The following DCC variants were observed in gnomAD, a reference collection of about 807,000 sequenced individuals.
DCC encodes the protein netrin receptor DCC.
DCC carries 58 observed loss-of-function variants against 172.5 expected under a neutral mutation model. The observed-to-expected ratio is 0.34, with a 90% CI of 0.27 to 0.42. The LOEUF (loss-of-function observed/expected upper bound fraction) is 0.42. Among genes scored for constraint, DCC ranks in the 10% least tolerant of loss-of-function variants. DCC has a pLI of 1.00. For synonymous variants in DCC, 709 were observed against 644.5 expected, an observed-to-expected ratio of 1.10 and a Z score of -1.52; for missense variants, 1,740 against 1,791.0, an observed-to-expected ratio of 0.97 and a Z score of 0.51.
In DCC at chr18:52,676,760, G is replaced by A. The variant is rs370198447; in HGVS notation, c.92-75294G>A. Among the ~76,000 whole-genome samples the A allele has an allele frequency of 5.4e-4, 82 of 152,214 alleles. 1 individual carries two copies. The highest frequency in any genetic ancestry group is 1.9e-3 in the African/African-American group (80 of 41,526). ...GATTTTTGTTTCCTTCTTCTCTTGG[G>A]TTTGCTTTCTTTTAGGAGCCAGTGG... On this transcript the variant is annotated intron_variant, in intron 1 of 28. Coordinates refer to ENST00000442544, the MANE Select transcript of DCC (RefSeq NM_005215.4).
At chr18:52,614,249 G>T (rs1053326545) in intron 1 of DCC, among the ~76,000 whole-genome samples, 1 of 152,184 alleles carries the variant, frequency 6.6e-6, no homozygotes, top group East Asian at 1.9e-4. Context: ...GTACTAAACT[G>T]TAAGTTACTG....
intron 2 of DCC, among the ~76,000 whole-genome samples, chr18:52,860,080 C>A (rs1568151135): frequency 6.6e-6 from 1 of 152,212 alleles, no homozygotes. Flanking sequence ...TAGGATGCAG[C>A]AAATCCATCT....
intron 12 of DCC, among the ~76,000 whole-genome samples, chr18:53,289,779 A>C (rs1212240019): frequency 6.6e-6 from 1 of 152,152 alleles, no homozygotes; most frequent in Non-Finnish European, 1.5e-5. Context: ...TTCAGATGTA[A>C]CATCTCTTCT....
intron 1 of DCC, among the ~76,000 whole-genome samples, chr18:52,656,711 T>C (rs940792771): frequency 2.6e-5 from 4 of 152,010 alleles, no homozygotes; most frequent in African/African-American, 7.2e-5. Context: ...TGTAGAGCAC[T>C]CCAGGGCCTT....
intron 7 of DCC, among the ~76,000 whole-genome samples, chr18:53,121,477 C>G (rs896968627): frequency 1.3e-5 from 2 of 151,858 alleles, no homozygotes; most frequent in Non-Finnish European, 2.9e-5. Flanking sequence ...CAGACAACCT[C>G]TATCTCAGAT....
chr18:53,500,375 T>C (rs965619615), intron 27 of DCC, among the ~76,000 whole-genome samples: 1 of 152,134 alleles, frequency 6.6e-6, no homozygotes, highest in African/African-American at 2.4e-5. Flanking sequence ...AGGCATAAGA[T>C]AGTAAATTTC....
chr18:52,572,287 G>C (rs1024166925), intron 1 of DCC, among the ~76,000 whole-genome samples: 1 of 152,182 alleles, frequency 6.6e-6, no homozygotes, highest in African/African-American at 2.4e-5. Context: ...GACACTGTGG[G>C]CTACAGAATC....
At chr18:52,438,351 C>G (rs987797772) in intron 1 of DCC, among the ~76,000 whole-genome samples, 1 of 152,142 alleles carries the variant, frequency 6.6e-6, no homozygotes, top group Non-Finnish European at 1.5e-5. Flanking sequence ...CACTATTTCT[C>G]TATGTGGTGT....
chr18:52,385,127 A>T (rs893719061), intron 1 of DCC, among the ~76,000 whole-genome samples: 1 of 152,126 alleles, frequency 6.6e-6, no homozygotes, highest in South Asian at 2.1e-4. Flanking sequence ...GTTCACAACC[A>T]TTGCTTAAAA....
intron 2 of DCC, among the ~76,000 whole-genome samples, chr18:52,824,052 G>A (rs1049911336): frequency 1.3e-5 from 2 of 152,166 alleles, no homozygotes; most frequent in African/African-American, 2.4e-5. Context: ...TTCTCAGAAA[G>A]GGTGAATTGC....
At chr18:52,382,905 T>C (rs1985645967) in intron 1 of DCC, among the ~76,000 whole-genome samples, 2 of 152,152 alleles carry the variant, frequency 1.3e-5, no homozygotes, top group Admixed American at 1.3e-4. Flanking sequence ...TTCACTCTTA[T>C]ATTGTATGTC....
At chr18:53,402,135 A>G (rs1909333789) in intron 18 of DCC, among the ~76,000 whole-genome samples, 2 of 152,148 alleles carry the variant, frequency 1.3e-5, no homozygotes. Flanking sequence ...CTTAGGTGAC[A>G]TTTTTATTTA....
chr18:53,247,910 G>A (rs1451047956), intron 12 of DCC, among the ~76,000 whole-genome samples: 1 of 151,876 alleles, frequency 6.6e-6, no homozygotes, highest in Non-Finnish European at 1.5e-5. Flanking sequence ...TATCCGTGTG[G>A]ACATCCCATC....
intron 21 of DCC, among the ~76,000 whole-genome samples, chr18:53,418,628 A>C (rs1403653825): frequency 6.6e-6 from 1 of 152,164 alleles, no homozygotes; most frequent in Non-Finnish European, 1.5e-5. Flanking sequence ...ATAAAGAAGC[A>C]AGAGGTTGAA....
At chr18:52,485,595 T>C (rs1411870045) in intron 1 of DCC, among the ~76,000 whole-genome samples, 1 of 152,074 alleles carries the variant, frequency 6.6e-6, no homozygotes, top group African/African-American at 2.4e-5. Context: ...AATTACAAAA[T>C]ACAGGAGAGC....
intron 1 of DCC, among the ~76,000 whole-genome samples, chr18:52,634,397 C>T (rs923644427): frequency 6.6e-6 from 1 of 151,848 alleles, no homozygotes; most frequent in Non-Finnish European, 1.5e-5. Context: ...AATTCATTAC[C>T]AAAGTAGTAT....
intron 9 of DCC, among the ~76,000 whole-genome samples, chr18:53,185,460 A>G (rs2055265938): frequency 6.6e-6 from 1 of 152,230 alleles, no homozygotes; most frequent in African/African-American, 2.4e-5. Flanking sequence ...TAAATTTAAA[A>G]GTATTGAAAT....
chr18:53,079,353 T>C (rs563557085), intron 7 of DCC, among the ~76,000 whole-genome samples: 2 of 152,082 alleles, frequency 1.3e-5, no homozygotes, highest in Non-Finnish European at 2.9e-5. Context: ...TTTGATAAAA[T>C]ATTTTAGATC....
intron 1 of DCC, among the ~76,000 whole-genome samples, chr18:52,557,498 T>A (rs1439901555): frequency 6.6e-6 from 1 of 152,182 alleles, no homozygotes; most frequent in Non-Finnish European, 1.5e-5. Flanking sequence ...TCTGCTTCCA[T>A]TAGAATATTT....
Sources: gnomAD v4.1 joint callset for allele counts (sites outside exome capture counted in the v4.1 genomes callset) on GRCh38, gnomAD v4.1.1 for gene constraint, MANE v1.5 for transcripts, NCBI Gene and HGNC (gene_info 2026-07-23, HGNC 2026-07-21) for gene names.